Variants in KMT2E observed in about 807,000 individuals in gnomAD.
The protein encoded by KMT2E is lysine methyltransferase 2E (inactive).
Under a neutral mutation model 184.6 loss-of-function variants are expected in KMT2E, and 30 were observed. That is an observed-to-expected ratio of 0.16 (90% CI 0.12 to 0.22). The LOEUF (loss-of-function observed/expected upper bound fraction) is 0.22, where lower values mean the gene tolerates loss of function less well. KMT2E is among the 10% of genes least tolerant of loss of function. KMT2E has a pLI of 1.00. For synonymous variants in KMT2E, 815 were observed against 776.5 expected, an observed-to-expected ratio of 1.05 and a Z score of -0.82; for missense variants, 2,023 against 2,237.4, an observed-to-expected ratio of 0.90 and a Z score of 1.93.
intron 17 of KMT2E, chr7:105,103,827 C>CTTTTTTTTTTTTT (rs66584948): frequency 1.7e-5 from 2 of 117,606 alleles, no homozygotes; most frequent in Non-Finnish European, 3.4e-5. Context: ...TTTTCTTTTT[C>CTTTTTTTTTTTTT]TTTTTTTTTT....
intron 15 of KMT2E, among the ~76,000 whole-genome samples, chr7:105,093,751 T>C (rs1054763249): frequency 1.3e-5 from 2 of 152,208 alleles, no homozygotes; most frequent in Non-Finnish European, 2.9e-5. Context: ...ATATGTATAT[T>C]GGCTTACTTA....
chr7:105,091,375 G>C (rs1473602344), intron 15 of KMT2E, 61 bp downstream of exon 15: 3 of 905,980 alleles, frequency 3.3e-6, no homozygotes, highest in Non-Finnish European at 5.6e-6. Flanking sequence ...GGTAATTGTT[G>C]CTGCCTTTAC....
chr7:105,063,672 AT>A, intron 5 of KMT2E, 92 bp downstream of exon 5: 2 of 797,252 alleles, frequency 2.5e-6, no homozygotes, highest in Non-Finnish European at 3.9e-6. Context: ...TTTCAAGGGA[AT>A]TAATGGATAC....
At chr7:105,047,237 C>G (rs1157762782) in intron 3 of KMT2E, among the ~76,000 whole-genome samples, 2 of 152,156 alleles carry the variant, frequency 1.3e-5, no homozygotes, top group African/African-American at 4.8e-5. Context: ...TTCCAGACTC[C>G]CAGAAAGAAA....
At chr7:105,079,333 A>G (rs1433648727) in intron 12 of KMT2E, among the ~76,000 whole-genome samples, 1 of 151,150 alleles carries the variant, frequency 6.6e-6, no homozygotes, top group Non-Finnish European at 1.5e-5. Context: ...ACGGGGTTTC[A>G]CCATTTTGAC....
At chr7:105,028,025 G>A (rs1795241147) in intron 1 of KMT2E, among the ~76,000 whole-genome samples, 1 of 151,956 alleles carries the variant, frequency 6.6e-6, no homozygotes, top group African/African-American at 2.4e-5. Context: ...TATTATCATT[G>A]GACTGAATAA....
intron 9 of KMT2E, among the ~76,000 whole-genome samples, chr7:105,076,550 T>C (rs545111958): frequency 6.6e-6 from 1 of 152,334 alleles, no homozygotes; most frequent in South Asian, 2.1e-4. Context: ...AAAAAGTATC[T>C]TGAATTAATT....
chr7:105,031,764 AAATT>A (rs1265243113), intron 1 of KMT2E, among the ~76,000 whole-genome samples: 3 of 146,634 alleles, frequency 2.0e-5, no homozygotes, highest in South Asian at 2.1e-4. Flanking sequence ...ATAAATAAAT[AAATT>A]AAATAAATAA....
chr7:105,029,697 TGAAA>T (rs1795323217), intron 1 of KMT2E, among the ~76,000 whole-genome samples: 1 of 152,050 alleles, frequency 6.6e-6, no homozygotes, highest in Non-Finnish European at 1.5e-5. Context: ...AAAAATAGAA[TGAAA>T]GAAGATGTGT....
At chr7:105,099,305 AAACCTGCAT>A (rs908287296) in intron 15 of KMT2E, among the ~76,000 whole-genome samples, 5 of 152,196 alleles carry the variant, frequency 3.3e-5, no homozygotes, top group Non-Finnish European at 7.3e-5. Flanking sequence ...AGAAACCAGG[AAACCTGCAT>A]AACCTGCATA....
chr7:105,110,000 T>C (rs559956708), intron 23 of KMT2E, among the ~76,000 whole-genome samples: 2 of 151,960 alleles, frequency 1.3e-5, no homozygotes, highest in Admixed American at 6.6e-5. Flanking sequence ...CTGGCTAATT[T>C]TTTTTTGTAT....
intron 15 of KMT2E, among the ~76,000 whole-genome samples, chr7:105,099,275 A>G (rs1242292951): frequency 6.6e-6 from 1 of 152,192 alleles, no homozygotes; most frequent in East Asian, 1.9e-4. Flanking sequence ...AGCGGCAGTA[A>G]TTGGAAAGAA....
At position 105,105,563 on chromosome 7, in the gene KMT2E, T is replaced by C; in HGVS notation, c.2321T>C (p.Leu774Ser). Residue 774 changes from leucine to serine, a missense_variant, in exon 18 of 27, where the codon TTA (leucine) becomes TCA (serine). By Grantham distance (145) the Leu-to-Ser change is moderately radical. Transcript: ENST00000311117. ...PEVLATQLNSLPGLTYSPHVY... is the reference protein window; with the variant it reads ...PEVLATQLNSSPGLTYSPHVY... ...GTGTTAGCTACACAACTCAATTCTT[T>C]ACCAGGTCTCACTTACAGCCCCCAT... The C allele has an allele frequency of 6.2e-7, 1 of 1,614,110 alleles. No individual in the cohort carries two copies. The highest frequency in any genetic ancestry group is 8.5e-7 in the Non-Finnish European group (1 of 1,179,972).
chr7:105,074,622 T>C, intron 7 of KMT2E, 21 bp from the exon 8 acceptor site: 1 of 1,460,294 alleles, frequency 6.8e-7, no homozygotes. Flanking sequence ...AAATGTGCAA[T>C]AATTTTTATT....
chr7:105,050,711 TTCTGTCTG>T (rs761194692), intron 3 of KMT2E, among the ~76,000 whole-genome samples: 8 of 151,324 alleles, frequency 5.3e-5, no homozygotes, highest in South Asian at 2.1e-4. Context: ...TTCTCTCTCT[TTCTGTCTG>T]TCTGTCTGTC....
chr7:105,093,749 ATTGGCTTAC>A (rs1178780445), intron 15 of KMT2E, among the ~76,000 whole-genome samples: 1 of 152,168 alleles, frequency 6.6e-6, no homozygotes, highest in Non-Finnish European at 1.5e-5. Flanking sequence ...ATATATGTAT[ATTGGCTTAC>A]TTACTTGGAA....
rs1321105693 is a variant in KMT2E, at chr7:105,113,362, G to C, written c.*29G>C. 3 of 1,585,008 alleles carry C rather than the reference G, an allele frequency of 1.9e-6. No individual in the cohort carries two copies. ...GGACTCCAAAAACATTTTTTTAAAT[G>C]TTCTGTAAGATAAACTGTATATTTC... On this transcript the variant is annotated 3_prime_UTR_variant, in exon 27 of 27. Coordinates refer to ENST00000311117, the MANE Select transcript of KMT2E (RefSeq NM_182931.3).
chr7:105,062,237 A>G lies in KMT2E; in HGVS notation c.145A>G (p.Ser49Gly), dbSNP rs746732435. The G allele has an allele frequency of 2.5e-6, 4 of 1,613,682 alleles. No homozygotes were observed. The South Asian group carries it at 4.4e-5, about 18-fold the overall frequency. The change falls in exon 4 of 27, where the codon AGC (serine) becomes GGC (glycine). Residue 49 changes from serine to glycine, a missense_variant. By Grantham distance (56) the Ser-to-Gly change is moderately conservative. Transcript: ENST00000311117. ...NSYPHQLYTS[S>G]SHHSHSYIGL... ...TTATCCCCACCAGTTATATACCAGC[A>G]GCTCACATCATTCACACAGTTACAT...
rs777010512 is a variant in KMT2E, at chr7:105,114,378, T to TG, written c.*1046dup. 24 of 152,314 alleles carry TG rather than the reference T, an allele frequency of 1.6e-4. No individual in the cohort carries two copies. Among genetic ancestry groups the TG allele is most frequent in the Non-Finnish European group, 2.6e-4 (18 of 68,020 alleles). 9.4% of individuals were successfully genotyped at this position (152,314 alleles called of 1,614,324 possible). A position where few individuals can be genotyped will look rare whatever the true frequency, so the allele number is the denominator to read the frequency against. Reference sequence around the variant, plus strand: ...TTGAATACAAGGTACAACAACTGTTTGAAAATATGGGTAGTTTGCCCAAAA... The same window carrying TG: ...TTGAATACAAGGTACAACAACTGTTTGGAAAATATGGGTAGTTTGCCCAAAA... On this transcript the variant is annotated 3_prime_UTR_variant, in exon 27 of 27. Transcript: ENST00000311117.
Sources: gnomAD v4.1 joint callset for allele counts (sites outside exome capture counted in the v4.1 genomes callset) on GRCh38, gnomAD v4.1.1 for gene constraint, MANE v1.5 for transcripts, NCBI Gene and HGNC (gene_info 2026-07-23, HGNC 2026-07-21) for gene names.